Variants in ELL observed in about 807,000 individuals in gnomAD.
ELL encodes elongation factor for RNA polymerase II, also known as RNA polymerase II elongation factor ELL.
A neutral mutation model predicts 64.0 loss-of-function variants in ELL; 18 were observed. The ratio of observed to expected loss-of-function variants is 0.28; its 90% CI spans 0.19 to 0.42. The LOEUF (loss-of-function observed/expected upper bound fraction) is 0.42. Among genes scored for constraint, ELL ranks in the 10% least tolerant of loss-of-function variants. ELL has a pLI of 1.00. For synonymous variants in ELL, 399 were observed against 376.2 expected (o/e 1.06, Z -0.70); for missense variants, 797 against 870.4 (o/e 0.92, Z 1.06).
intron 8 of ELL, 115 bp from the exon 9 acceptor site, chr19:18,446,929 G>A (rs1285971230): frequency 1.7e-6 from 2 of 1,143,918 alleles, no homozygotes; most frequent in African/African-American, 1.5e-5. Flanking sequence ...GAGGGACATA[G>A]AGGGATAGCA....
Position 18,451,564 on chromosome 19 carries a change from G to C in ELL, c.954C>G (p.Ala318=). Residue 318 remains alanine, a synonymous_variant, in exon 7 of 12, where the codon GCC becomes GCG. Coordinates refer to ENST00000262809, the MANE Select transcript of ELL (RefSeq NM_006532.4). ...ATGCCTCACTTACCTGTGGGGGCGA[G>C]GCCGAGCGCCCACGCTCGCCTGGGG... is the stretch of plus-strand genomic sequence containing the variant. The part of the protein sequence containing the change: ...SSPPGERGRS[A]SPPQKRLQPP... The C allele has an allele frequency of 6.7e-7, 1 of 1,490,034 alleles. No individual in the cohort carries two copies. The highest frequency in any genetic ancestry group is 8.9e-7 in the Non-Finnish European group (1 of 1,128,424). The allele number at this position is 1,490,034 out of a possible 1,614,324, so 92.3% of individuals were successfully genotyped here. A position where few individuals can be genotyped will look rare whatever the true frequency, so the allele number is the denominator to read the frequency against.
At chr19:18,488,076 C>T (rs773836728) in intron 1 of ELL, among the ~76,000 whole-genome samples, 4 of 152,206 alleles carry the variant, frequency 2.6e-5, no homozygotes, top group Non-Finnish European at 5.9e-5. Context: ...TGGACATCCT[C>T]ACCTGGTGGG....
intron 1 of ELL, among the ~76,000 whole-genome samples, chr19:18,479,084 C>T (rs976791518): frequency 3.9e-5 from 6 of 152,196 alleles, no homozygotes; most frequent in African/African-American, 1.2e-4. Flanking sequence ...ACCTCCAGGC[C>T]GAGTGACCAG....
rs1436285685 is a variant in ELL, at chr19:18,449,898, G to A, written c.1465+579C>T. On this transcript the variant is annotated intron_variant, in intron 8 of 11. Transcript: ENST00000262809. This position sits in a 1 kb window ranked among gnomAD's most constrained non-coding sequence, Gnocchi z 4.4. Reference sequence around the variant, plus strand: ...GTGCCTGGGCTGTGGTCTCGGAGCCGCCCAGGTCTCCTGGCTCCCCAATCC... The same window carrying A: ...GTGCCTGGGCTGTGGTCTCGGAGCCACCCAGGTCTCCTGGCTCCCCAATCC... Among the ~76,000 whole-genome samples the A allele has an allele frequency of 3.9e-5, 6 of 152,174 alleles. No individual in the cohort carries two copies. The South Asian group carries it at 8.3e-4, about 21-fold the overall frequency.
chr19:18,509,657 A>ACACACACC (rs1975974734), intron 1 of ELL, among the ~76,000 whole-genome samples: 2 of 111,512 alleles, frequency 1.8e-5, no homozygotes, highest in Admixed American at 8.5e-5. Flanking sequence ...ACACACACAC[A>ACACACACC]CTCCCCTCCC....
intron 1 of ELL, among the ~76,000 whole-genome samples, chr19:18,474,038 T>C (rs997888502): frequency 4.6e-5 from 7 of 152,214 alleles, no homozygotes; most frequent in African/African-American, 1.7e-4. Context: ...GCTCCACACC[T>C]GCGACAGTAT....
intron 1 of ELL, among the ~76,000 whole-genome samples, chr19:18,488,146 C>T (rs1230255626): frequency 6.6e-6 from 1 of 152,220 alleles, no homozygotes; most frequent in Non-Finnish European, 1.5e-5. Context: ...GAGGTAGGTC[C>T]CAGCCCGCCT....
chr19:18,511,879 G>A (rs888614781), intron 1 of ELL, among the ~76,000 whole-genome samples: 16 of 151,512 alleles, frequency 1.1e-4, no homozygotes, highest in Admixed American at 2.6e-4. Context: ...AAAAAGGGCC[G>A]GGCACAGTGA....
chr19:18,478,579 G>A (rs556260123), intron 1 of ELL, among the ~76,000 whole-genome samples: 7 of 152,314 alleles, frequency 4.6e-5, no homozygotes, highest in African/African-American at 7.2e-5. Flanking sequence ...AGTCACCCCC[G>A]CTGCTGTACT....
chr19:18,521,799 G>C, intron 1 of ELL, 122 bp downstream of exon 1: 2 of 1,348,396 alleles, frequency 1.5e-6, no homozygotes, highest in Non-Finnish European at 1.9e-6. Flanking sequence ...CGCCGGCCCA[G>C]GGACCCGCGA....
chr19:18,458,250 C>T lies in ELL; in HGVS notation c.824G>A (p.Gly275Asp). Residue 275 changes from glycine (G) to aspartate (D), a missense_variant, in exon 6 of 12, where the codon GGC (glycine) becomes GAC (aspartate). Physicochemically the swap from Gly to Asp is moderately conservative, Grantham distance 94. Coordinates refer to ENST00000262809, the MANE Select transcript of ELL (RefSeq NM_006532.4). ...MYKDVQKDWP[G>D]YSEGDQQLLK... ...CAGCTGCTGGTCCCCCTCCGAGTAGCCAGGCCAGTCCTTCTGCACATCCTT... is the reference window on the plus strand; with the variant it reads ...CAGCTGCTGGTCCCCCTCCGAGTAGTCAGGCCAGTCCTTCTGCACATCCTT... 1 of 1,612,768 alleles carries T rather than the reference C, an allele frequency of 6.2e-7. No individual in the cohort carries two copies. Among genetic ancestry groups the T allele is most frequent in the East Asian group, 2.2e-5 (1 of 44,890 alleles).
chr19:18,467,805 CCA>C (rs199728429), intron 2 of ELL, among the ~76,000 whole-genome samples: 1 of 91,776 alleles, frequency 1.1e-5, no homozygotes, highest in South Asian at 4.2e-4. Flanking sequence ...CACAATCCCC[CCA>C]CACACACAAA....
At chr19:18,480,284 T>A (rs1975271360) in intron 1 of ELL, among the ~76,000 whole-genome samples, 1 of 152,248 alleles carries the variant, frequency 6.6e-6, no homozygotes, top group African/African-American at 2.4e-5. Context: ...TGAGACTTCC[T>A]GGCAGGACTG....
intron 2 of ELL, among the ~76,000 whole-genome samples, chr19:18,466,437 G>T (rs1157712420): frequency 2.0e-5 from 3 of 152,204 alleles, no homozygotes; most frequent in African/African-American, 2.4e-5. Context: ...GTCTCCATTT[G>T]CTGCAGCTGT....
intron 1 of ELL, among the ~76,000 whole-genome samples, chr19:18,504,817 A>G (rs1194998318): frequency 6.6e-6 from 1 of 151,914 alleles, no homozygotes; most frequent in East Asian, 1.9e-4. Flanking sequence ...ACTCTGGGAC[A>G]CTCTCCACGG....
intron 1 of ELL, among the ~76,000 whole-genome samples, chr19:18,506,445 G>A (rs994735271): frequency 7.2e-5 from 11 of 152,366 alleles, no homozygotes; most frequent in Admixed American, 3.3e-4. Context: ...ACTTCTGCTC[G>A]GCTGGGTGCC....
At chr19:18,499,931 T>C (rs1975745793) in intron 1 of ELL, among the ~76,000 whole-genome samples, 2 of 152,202 alleles carry the variant, frequency 1.3e-5, no homozygotes, top group South Asian at 4.1e-4. Flanking sequence ...CCCCAAATAA[T>C]ATTTAGCAAG....
chr19:18,493,384 C>T (rs1418921136), intron 1 of ELL, among the ~76,000 whole-genome samples: 1 of 152,240 alleles, frequency 6.6e-6, no homozygotes. Context: ...CATAACAATG[C>T]ATCTGGCCCC....
At chr19:18,485,527 GCCAGGGAGA>G (rs201997238) in intron 1 of ELL, among the ~76,000 whole-genome samples, 130 of 152,220 alleles carry the variant, frequency 8.5e-4, no homozygotes, top group African/African-American at 2.5e-3. Context: ...TCCTCCCAGG[GCCAGGGAGA>G]CCAGGGAGAC....
Sources: gnomAD v4.1 joint callset for allele counts (sites outside exome capture counted in the v4.1 genomes callset) on GRCh38, gnomAD v4.1.1 for gene constraint, Gnocchi (gnomAD v3.1) non-coding constraint, MANE v1.5 for transcripts, NCBI Gene and HGNC (gene_info 2026-07-23, HGNC 2026-07-21) for gene names.